The following EFCAB3 variants were observed in gnomAD, a reference collection of about 807,000 sequenced individuals.
The protein encoded by EFCAB3 is EF-hand calcium-binding domain-containing protein 3.
Under a neutral mutation model 42.2 loss-of-function variants are expected in EFCAB3, and 36 were observed. The observed-to-expected ratio is 0.85, with a 90% CI of 0.65 to 1.13. The LOEUF is 1.13. Ranked by LOEUF, EFCAB3 falls within the 50% of genes most tolerant of loss-of-function variation. The pLI, the probability that EFCAB3 is intolerant of heterozygous loss-of-function variation, is 0.00. For synonymous variants in EFCAB3, 170 were observed against 172.8 expected (o/e 0.98, Z 0.13); for missense variants, 418 against 505.1 (o/e 0.83, Z 1.65).
At chr17:62,380,447 T>G (rs937852060), upstream of EFCAB3, 1 of 455,672 alleles carries the variant, frequency 2.2e-6, no homozygotes, top group Non-Finnish European at 2.9e-6. Flanking sequence ...TGAACCACAC[T>G]GAAAACACAC....
intron 6 of EFCAB3, among the ~76,000 whole-genome samples, chr17:62,401,119 AC>A (rs2070399207): frequency 6.6e-6 from 1 of 151,956 alleles, no homozygotes; most frequent in Non-Finnish European, 1.5e-5. Context: ...TCCTTCACCC[AC>A]TTTTTGATTA....
upstream of EFCAB3, among the ~76,000 whole-genome samples, chr17:62,378,631 T>C (rs1160974210): frequency 1.3e-5 from 2 of 152,064 alleles, no homozygotes; most frequent in African/African-American, 4.8e-5. Flanking sequence ...GCCCAGGAAT[T>C]GGAGGCTGCA....
At chr17:62,382,430 GT>G (rs1203801376) in intron 1 of EFCAB3, among the ~76,000 whole-genome samples, 1 of 152,138 alleles carries the variant, frequency 6.6e-6, no homozygotes, top group Admixed American at 6.5e-5. Flanking sequence ...TTGTGTGTGT[GT>G]GTGTGTGTAG....
At chr17:62,415,361 A>C (rs2070537576) in intron 9 of EFCAB3, among the ~76,000 whole-genome samples, 1 of 152,224 alleles carries the variant, frequency 6.6e-6, no homozygotes, top group South Asian at 2.1e-4. Context: ...CTTTCATTAG[A>C]AACAGTGGGT....
chr17:62,373,825 A>G (rs1337638174), exon 2 of EFCAB3: 3 of 1,511,858 alleles, frequency 2.0e-6, no homozygotes, highest in East Asian at 2.5e-5. Context: ...AAATGGAAAG[A>G]TTAATGTTAA....
intron 2 of EFCAB3, among the ~76,000 whole-genome samples, chr17:62,383,778 G>A (rs2070224886): frequency 6.6e-6 from 1 of 152,064 alleles, no homozygotes; most frequent in Non-Finnish European, 1.5e-5. Flanking sequence ...AAAAAATTTA[G>A]AAGATCATAA....
In EFCAB3 at chr17:62,398,498, C is replaced by CA. The variant is rs11333238; in HGVS notation, c.488+3325dup. Among the ~76,000 whole-genome samples, 263 of 126,272 alleles carry CA rather than the reference C, an allele frequency of 2.1e-3. 5 individuals carry two copies. The South Asian group carries it at 0.029, about 14-fold the overall frequency. The allele number at this position is 126,272 out of a possible 152,430, so 82.8% of individuals were successfully genotyped here. ...AACTGTAGTGATAAATTTTTATATGCAAAAAAAAAAAAAAACAAAAAATTA... is the reference window on the plus strand; with the variant it reads ...AACTGTAGTGATAAATTTTTATATGCAAAAAAAAAAAAAAAACAAAAAATTA... On this transcript the variant is annotated intron_variant, in intron 6 of 9. Transcript: ENST00000305286.
At chr17:62,402,560 G>A (rs1161139080) in intron 6 of EFCAB3, among the ~76,000 whole-genome samples, 2 of 152,106 alleles carry the variant, frequency 1.3e-5, no homozygotes, top group African/African-American at 4.8e-5. Flanking sequence ...TGTGGTTTTT[G>A]TCTTTGGTTC....
intron 6 of EFCAB3, among the ~76,000 whole-genome samples, chr17:62,395,495 T>C (rs1297399249): frequency 6.6e-6 from 1 of 152,078 alleles, no homozygotes; most frequent in Admixed American, 6.5e-5. Flanking sequence ...AGAACAAGAC[T>C]TTTCCAGGAA....
At chr17:62,396,413 C>G (rs1379296712) in intron 6 of EFCAB3, among the ~76,000 whole-genome samples, 2 of 152,042 alleles carry the variant, frequency 1.3e-5, no homozygotes, top group Non-Finnish European at 2.9e-5. Flanking sequence ...ATTAGCCAGG[C>G]ATAGTGGCAG....
intron 3 of EFCAB3, 83 bp from the exon 4 acceptor site, chr17:62,391,739 A>G (rs1274821535): frequency 1.5e-6 from 2 of 1,359,470 alleles, no homozygotes; most frequent in East Asian, 2.4e-5. Flanking sequence ...TCTCCAGTCA[A>G]CTATATTGTC....
intron 3 of EFCAB3, among the ~76,000 whole-genome samples, chr17:62,387,945 C>T (rs374669966): frequency 6.6e-6 from 1 of 152,180 alleles, no homozygotes; most frequent in African/African-American, 2.4e-5. Flanking sequence ...TGGCTCACGC[C>T]TGTAATCTCA....
intron 5 of EFCAB3, among the ~76,000 whole-genome samples, chr17:62,394,322 T>C (rs966890839): frequency 2.8e-4 from 43 of 152,142 alleles, no homozygotes; most frequent in Middle Eastern, 3.2e-3. Flanking sequence ...TAAAAAAAAT[T>C]TATGTTTCAG....
Position 62,382,964 on chromosome 17 carries a change from C to T in EFCAB3, c.-16C>T, listed in dbSNP as rs376209019. The T allele has an allele frequency of 4.0e-5, 64 of 1,610,262 alleles. No individual in the cohort carries two copies. In the African/African-American group the frequency reaches 8.4e-4, roughly 21 times the overall value. ...TTAATTGTATATTCTGAATTCCAGA[C>T]AGAGTCACTGGCCACATGGCAGTTT... On this transcript the variant is annotated splice_region_variant and 5_prime_UTR_variant, in exon 2 of 10. Coordinates refer to ENST00000305286, the MANE Select transcript of EFCAB3 (RefSeq NM_173503.4).
At chr17:62,388,065 C>G (rs2070270011) in intron 3 of EFCAB3, among the ~76,000 whole-genome samples, 1 of 152,098 alleles carries the variant, frequency 6.6e-6, no homozygotes, top group Non-Finnish European at 1.5e-5. Context: ...CAAAAATTAG[C>G]TGAGCGTGGT....
chr17:62,414,641 C>G (rs903984152), intron 9 of EFCAB3, among the ~76,000 whole-genome samples: 4 of 151,600 alleles, frequency 2.6e-5, no homozygotes, highest in Non-Finnish European at 4.4e-5. Context: ...TATTTTAGAT[C>G]CACGGGGTAC....
Position 62,391,875 on chromosome 17 carries a change from T to C in EFCAB3, c.205T>C (p.Phe69Leu), listed in dbSNP as rs2070305507. 6.2e-7 allele frequency: 1 copy of C among 1,613,876 alleles called. No individual in the cohort carries two copies. ...CAAGGACAAAACTGGCTGTATTGAT[T>C]TCCATGGACTGATGTGCACTGTAGC... ...FYKDKTGCID[F>L]HGLMCTVAKL... Residue 69 changes from phenylalanine (F) to leucine (L), a missense_variant, in exon 4 of 10, where the codon TTC becomes CTC. By Grantham distance (22) the Phe-to-Leu change is conservative (BLOSUM62 0). Coordinates refer to ENST00000305286, the MANE Select transcript of EFCAB3 (RefSeq NM_173503.4).
intron 5 of EFCAB3, among the ~76,000 whole-genome samples, 158 bp downstream of exon 5, chr17:62,393,802 A>G (rs551067066): frequency 2.0e-5 from 3 of 152,304 alleles, no homozygotes; most frequent in African/African-American, 7.2e-5. Flanking sequence ...TATTTGCTAA[A>G]CAAATTGATA....
chr17:62,379,769 TA>T (rs1312666414), upstream of EFCAB3, among the ~76,000 whole-genome samples: 1 of 152,192 alleles, frequency 6.6e-6, no homozygotes, highest in African/African-American at 2.4e-5. Flanking sequence ...AGAGTATTTA[TA>T]ATGCCATGAG....
Sources: allele counts gnomAD v4.1 joint callset (sites outside exome capture counted in the v4.1 genomes callset), GRCh38; gene constraint gnomAD v4.1.1; transcripts MANE v1.5; gene names NCBI Gene and HGNC (gene_info 2026-07-23, HGNC 2026-07-21).